Variants in AGO3 observed in about 807,000 individuals in gnomAD.
AGO3 encodes the protein argonaute RISC catalytic component 3, also known as protein argonaute-3.
AGO3 carries 16 observed loss-of-function variants against 105.5 expected under a neutral mutation model. The ratio of observed to expected loss-of-function variants is 0.15; its 90% CI spans 0.10 to 0.23. The LOEUF (loss-of-function observed/expected upper bound fraction) is 0.23. Among genes scored for constraint, AGO3 ranks in the 10% least tolerant of loss-of-function variants. The pLI is 1.00. For missense variants in AGO3, 534 were observed against 1,088.0 expected (o/e 0.49, Z 7.16); for synonymous variants, 340 against 367.3 (o/e 0.93, Z 0.85).
At chr1:35,977,807 A>T (rs2148780165) in intron 5 of AGO3, among the ~76,000 whole-genome samples, 1 of 151,742 alleles carries the variant, frequency 6.6e-6, no homozygotes, top group East Asian at 1.9e-4. Context: ...ATTCAGTGGT[A>T]TTTATTTTTC....
intron 2 of AGO3, among the ~76,000 whole-genome samples, chr1:35,965,327 T>G (rs1274280499): frequency 6.6e-6 from 1 of 151,444 alleles, no homozygotes; most frequent in Non-Finnish European, 1.5e-5. Context: ...CTGTCTCTAC[T>G]AAAAATACAA....
At chr1:35,994,423 G>C (rs1165355062) in intron 5 of AGO3, among the ~76,000 whole-genome samples, 1 of 152,036 alleles carries the variant, frequency 6.6e-6, no homozygotes, top group Non-Finnish European at 1.5e-5. Flanking sequence ...AAGCATACAG[G>C]CATCATCATA....
At chr1:35,944,544 C>CTTTTTTTTTTT (rs761797350) in intron 1 of AGO3, among the ~76,000 whole-genome samples, 19 of 105,482 alleles carry the variant, frequency 1.8e-4, no homozygotes, top group East Asian at 2.7e-4. Flanking sequence ...ATTTTATTTA[C>CTTTTTTTTTTT]TTTTTTTTTT....
chr1:36,068,850 A>G lies in AGO3; in HGVS notation c.*13105A>G, dbSNP rs939918759. On this transcript the variant is annotated 3_prime_UTR_variant, in exon 19 of 19. Coordinates refer to ENST00000373191, the MANE Select transcript of AGO3 (RefSeq NM_024852.4). ...CCCAGTTCCTAGTCAAGCGTGGGCT[A>G]TAAGAGAGAAGGCTTAAGGTGTTCT... 2 of 152,258 alleles carry G rather than the reference A, an allele frequency of 1.3e-5. No individual in the cohort carries two copies. The highest frequency in any genetic ancestry group is 2.1e-4 in the South Asian group (1 of 4,832). 9.4% of individuals were successfully genotyped at this position (152,258 alleles called of 1,614,324 possible). A position where few individuals can be genotyped will look rare whatever the true frequency, so the allele number is the denominator to read the frequency against.
rs1201315892 is a variant in AGO3 at position 36,061,186 on chromosome 1, G to A, written c.*5441G>A. 6.6e-6 allele frequency: 1 copy of A among 151,720 alleles called. No individual in the cohort carries two copies. The highest frequency in any genetic ancestry group is 1.9e-4 in the East Asian group (1 of 5,186). 9.4% of individuals were successfully genotyped at this position (151,720 alleles called of 1,614,324 possible). On this transcript the variant is annotated 3_prime_UTR_variant, in exon 19 of 19. Transcript: ENST00000373191. Reference sequence around the variant, plus strand: ...GTCCCAGGAAGCAGGGAGGGGGAGTGTGTGTGTGTGTATATGTATGAGTGT... The same window carrying A: ...GTCCCAGGAAGCAGGGAGGGGGAGTATGTGTGTGTGTATATGTATGAGTGT...
At chr1:35,939,761 A>T (rs1646218425) in intron 1 of AGO3, among the ~76,000 whole-genome samples, 1 of 152,248 alleles carries the variant, frequency 6.6e-6, no homozygotes, top group South Asian at 2.1e-4. Flanking sequence ...ATATTTTACT[A>T]TAGAGAATTT....
At position 35,995,573 on chromosome 1, in the gene AGO3, A is replaced by G. The variant is rs148446824; in HGVS notation, c.659-8768A>G. ...TATTAAAAAAATTATCCTCTACTTA[A>G]CAGCACACAGAAAATTTAATTCAGA... On this transcript the variant is annotated intron_variant, in intron 5 of 18. Coordinates refer to ENST00000373191, the MANE Select transcript of AGO3 (RefSeq NM_024852.4). Among the ~76,000 whole-genome samples, 337 of 152,328 alleles carry G rather than the reference A, an allele frequency of 2.2e-3. 3 individuals are homozygous for G. Among genetic ancestry groups the G allele is most frequent in the African/African-American group, 7.6e-3 (316 of 41,584 alleles).
chr1:36,009,660 C>A, intron 9 of AGO3, 66 bp downstream of exon 9: 1 of 1,496,740 alleles, frequency 6.7e-7, no homozygotes, highest in South Asian at 1.3e-5. Flanking sequence ...ACTAGAGAAC[C>A]ATGTCCTTAT....
chr1:36,032,007 A>G (rs1171551949), intron 12 of AGO3, among the ~76,000 whole-genome samples: 1 of 152,094 alleles, frequency 6.6e-6, no homozygotes, highest in Non-Finnish European at 1.5e-5. Context: ...TAATGCTGCT[A>G]TGAACATAGG....
Position 36,039,883 on chromosome 1 carries a change from A to G in AGO3, c.1936A>G (p.Met646Val), listed in dbSNP as rs1642176021. 5 of 1,613,994 alleles carry G rather than the reference A, an allele frequency of 3.1e-6. No individual in the cohort carries two copies. Among genetic ancestry groups the G allele is most frequent in the Non-Finnish European group, 3.4e-6 (4 of 1,179,964 alleles). The change falls in exon 15 of 19, where the codon ATG (methionine) becomes GTG (valine). Residue 646 changes from methionine to valine, a missense_variant. Coordinates refer to ENST00000373191, the MANE Select transcript of AGO3 (RefSeq NM_024852.4). ...RQEIIQDLAS[M>V]VRELLIQFYK... Reference sequence around the variant, plus strand: ...GGAGATCATCCAGGACTTGGCCTCCATGGTCCGGGAACTTCTTATTCAATT... The same window carrying G: ...GGAGATCATCCAGGACTTGGCCTCCGTGGTCCGGGAACTTCTTATTCAATT...
At chr1:35,953,126 C>T (rs1413923277) in intron 2 of AGO3, among the ~76,000 whole-genome samples, 3 of 152,134 alleles carry the variant, frequency 2.0e-5, no homozygotes. Flanking sequence ...CTGCCAGACT[C>T]TTTTCCAAAG....
chr1:35,948,484 G>A (rs1434447133), intron 2 of AGO3, among the ~76,000 whole-genome samples: 1 of 30,038 alleles, frequency 3.3e-5, no homozygotes, highest in African/African-American at 1.1e-4. Flanking sequence ...CCCCACCGCC[G>A]GCCTCCCAAA....
intron 1 of AGO3, among the ~76,000 whole-genome samples, chr1:35,941,107 A>G (rs1229211866): frequency 6.6e-6 from 1 of 152,026 alleles, no homozygotes; most frequent in African/African-American, 2.4e-5. Context: ...TTCCCCTCCA[A>G]ACTTGCTACT....
intron 5 of AGO3, among the ~76,000 whole-genome samples, chr1:36,002,026 A>AT (rs953476951): frequency 2.0e-5 from 3 of 151,792 alleles, no homozygotes; most frequent in African/African-American, 4.8e-5. Flanking sequence ...GTTAAAAAAA[A>AT]TTTTTTTTTG....
chr1:35,998,774 CTTTA>C (rs1482407660), intron 5 of AGO3, among the ~76,000 whole-genome samples: 1 of 151,986 alleles, frequency 6.6e-6, no homozygotes, highest in Non-Finnish European at 1.5e-5. Flanking sequence ...CAATCTTTAG[CTTTA>C]TTTCTTTATT....
At chr1:35,953,902 T>G (rs556434334) in intron 2 of AGO3, among the ~76,000 whole-genome samples, 55 of 152,298 alleles carry the variant, frequency 3.6e-4, no homozygotes, top group African/African-American at 1.3e-3. Flanking sequence ...ATTAGATATA[T>G]GGTTGCAAAA....
chr1:35,940,437 G>A (rs558680530), intron 1 of AGO3, among the ~76,000 whole-genome samples: 8 of 152,328 alleles, frequency 5.3e-5, no homozygotes, highest in African/African-American at 1.9e-4. Context: ...TCTTTTAAGT[G>A]TCTTAATCGG....
At chr1:35,937,225 A>C (rs984414470) in intron 1 of AGO3, among the ~76,000 whole-genome samples, 1 of 152,096 alleles carries the variant, frequency 6.6e-6, no homozygotes, top group Non-Finnish European at 1.5e-5. Flanking sequence ...AAAATGGTGA[A>C]ACCTCGTCTC....
Position 35,972,247 on chromosome 1 carries a change from T to C in AGO3, c.521+15T>C, listed in dbSNP as rs555275558. The C allele has an allele frequency of 7.9e-5, 128 of 1,611,396 alleles. 1 individual carries two copies. The highest frequency in any genetic ancestry group is 5.9e-4 in the South Asian group (54 of 90,866). On this transcript the variant is annotated intron_variant, in intron 4 of 18. Transcript: ENST00000373191. ...CCCTCCATGAAGTGGGTGCTTCTGC[T>C]TTTTTTCTCTTTAGATTTTAAACTC...
Sources: allele counts gnomAD v4.1 joint callset (sites outside exome capture counted in the v4.1 genomes callset), GRCh38; gene constraint gnomAD v4.1.1; transcripts MANE v1.5; gene names NCBI Gene and HGNC (gene_info 2026-07-23, HGNC 2026-07-21).